The following VPS13B variants were observed in gnomAD, a reference collection of about 807,000 sequenced individuals.
VPS13B encodes intermembrane lipid transfer protein VPS13B.
A neutral mutation model predicts 426.4 loss-of-function variants in VPS13B; 285 were observed. The ratio of observed to expected loss-of-function variants is 0.67; its 90% confidence interval spans 0.61 to 0.74. The LOEUF (loss-of-function observed/expected upper bound fraction) is 0.74. Among genes scored for constraint, VPS13B ranks in the 30% least tolerant of loss-of-function variants. The pLI is 0.00. For missense variants in VPS13B, 4,537 were observed against 4,782.6 expected, an observed-to-expected ratio of 0.95 and a Z score of 1.51; for synonymous variants, 1,676 against 1,676.4, an observed-to-expected ratio of 1.00 and a Z score of 0.01.
chr8:99,446,439 T>C (rs1435264662), intron 23 of VPS13B, among the ~76,000 whole-genome samples: 1 of 152,132 alleles, frequency 6.6e-6, no homozygotes, highest in Non-Finnish European at 1.5e-5. Flanking sequence ...TGTTTTAAAG[T>C]TTTAATATTC....
chr8:99,311,492 C>A (rs1043803260), intron 19 of VPS13B, among the ~76,000 whole-genome samples: 1 of 152,184 alleles, frequency 6.6e-6, no homozygotes, highest in Admixed American at 6.5e-5. Flanking sequence ...GAGTGAGTTT[C>A]TTTATCCCGA....
chr8:99,581,215 A>G (rs573944244), intron 33 of VPS13B, among the ~76,000 whole-genome samples: 1 of 152,174 alleles, frequency 6.6e-6, no homozygotes, highest in Non-Finnish European at 1.5e-5. Flanking sequence ...TAGGGGGATT[A>G]TGTATTAGTG....
chr8:99,874,492 G>A (rs1439038074), intron 61 of VPS13B, among the ~76,000 whole-genome samples: 1 of 152,096 alleles, frequency 6.6e-6, no homozygotes, highest in African/African-American at 2.4e-5. Context: ...TGGACCACAC[G>A]CAGAACTAGA....
chr8:99,717,485 C>T, intron 37 of VPS13B, 112 bp downstream of exon 37: 1 of 969,408 alleles, frequency 1.0e-6, no homozygotes, highest in Non-Finnish European at 1.6e-6. Flanking sequence ...GGGTATTTGT[C>T]AGATTGCTAC....
chr8:99,294,486 C>T (rs557572815), intron 19 of VPS13B, among the ~76,000 whole-genome samples: 3 of 149,448 alleles, frequency 2.0e-5, no homozygotes, highest in Non-Finnish European at 4.4e-5. Flanking sequence ...CACATGTATA[C>T]ATATGTAACT....
chr8:99,811,905 T>C (rs986927015), intron 44 of VPS13B, among the ~76,000 whole-genome samples: 3 of 152,134 alleles, frequency 2.0e-5, no homozygotes, highest in Admixed American at 2.0e-4. Flanking sequence ...CTATATACCA[T>C]ATTTAAAATT....
Position 99,546,010 on chromosome 8 carries a change from T to C in VPS13B, c.4746-10440T>C, listed in dbSNP as rs562639478. On this transcript the variant is annotated intron_variant, in intron 30 of 61. Transcript: ENST00000357162. ...AAATTAAGTTATTCATATTTTAACA[T>C]CATACATTAAGAGATTTTATGGACT... 6.7e-3 allele frequency among the ~76,000 whole-genome samples: 1,019 copies of C among 152,198 alleles called. 5 individuals carry two copies. The highest frequency in any genetic ancestry group is 0.011 in the Non-Finnish European group (751 of 67,934).
chr8:99,556,515 TA>T lies in VPS13B; in HGVS notation c.4812del (p.Ile1604MetfsTer16), dbSNP rs1301560716. ...GAAATCGAAGACAGACAATACCAAA[TA>T]GATCTGCAGTCCATCAATATTGGTA... ...GSEIEDRQYQ[I>X]DLQSINIGTA... On this transcript the variant is annotated frameshift_variant, in exon 31 of 62. Coordinates refer to ENST00000357162, the MANE Select transcript of VPS13B (RefSeq NM_152564.5). LOFTEE classifies it high-confidence loss of function. 1 of 1,613,102 alleles carries T rather than the reference TA, an allele frequency of 6.2e-7. No individual in the cohort carries two copies. Among genetic ancestry groups the T allele is most frequent in the African/African-American group, 1.3e-5 (1 of 74,852 alleles).
rs1233886348 is a variant in VPS13B, at chr8:99,135,675, G to A, written c.1505G>A (p.Arg502Gln). ...TYLTNSLFDY[R>Q]SPENNGTRAE... Reference sequence around the variant, plus strand: ...CTTACAAATTCATTGTTTGATTACCGAAGCCCAGAAAATAATGGTACTCGC... The same window carrying A: ...CTTACAAATTCATTGTTTGATTACCAAAGCCCAGAAAATAATGGTACTCGC... Residue 502 changes from arginine (R) to glutamine (Q), a missense_variant, in exon 11 of 62, where the codon CGA becomes CAA. By Grantham distance (43) the Arg-to-Gln change is conservative. Transcript: ENST00000357162. The A allele has an allele frequency of 3.1e-6, 5 of 1,613,358 alleles. No homozygotes were observed. The highest frequency in any genetic ancestry group is 1.3e-5 in the African/African-American group (1 of 74,968).
At position 99,875,966 on chromosome 8, in the gene VPS13B, A is replaced by G. The variant is rs1817680746; in HGVS notation, c.*300A>G. 2.4e-6 allele frequency: 1 copy of G among 417,258 alleles called. No individual in the cohort carries two copies. Among genetic ancestry groups the G allele is most frequent in the African/African-American group, 2.0e-5 (1 of 49,816 alleles). The allele number at this position is 417,258 out of a possible 1,614,324, so 25.8% of individuals were successfully genotyped here. A position where few individuals can be genotyped will look rare whatever the true frequency, so the allele number is the denominator to read the frequency against. On this transcript the variant is annotated 3_prime_UTR_variant, in exon 62 of 62. Transcript: ENST00000357162. ...CTCTAAAAGATACTTCAAAGTGACA[A>G]AAACGTGTTCCTTCCCCACTTAGAG...
chr8:99,818,372 C>T, intron 45 of VPS13B, 79 bp from the exon 46 acceptor site: 1 of 1,351,460 alleles, frequency 7.4e-7, no homozygotes, highest in African/African-American at 1.4e-5. Context: ...ATCTTCCAAA[C>T]TGATGTATCT....
At chr8:99,134,217 CTTTT>C (rs1319851717) in intron 8 of VPS13B, among the ~76,000 whole-genome samples, 8 of 152,086 alleles carry the variant, frequency 5.3e-5, no homozygotes, top group Non-Finnish European at 7.4e-5. Flanking sequence ...TCACCACTTT[CTTTT>C]TTATTTCAAA....
At chr8:99,651,457 G>A (rs532396075) in intron 34 of VPS13B, among the ~76,000 whole-genome samples, 1 of 152,154 alleles carries the variant, frequency 6.6e-6, no homozygotes, top group South Asian at 2.1e-4. Flanking sequence ...CAAGTAGATA[G>A]TAAGTCTTTG....
At chr8:99,233,916 TGGTGACAA>T in intron 17 of VPS13B, 1 of 791,066 alleles carries the variant, frequency 1.3e-6, no homozygotes, top group Middle Eastern at 3.5e-4. Context: ...GTGGCATGGA[TGGTGACAA>T]GCTTCTCTGC....
rs1337263431 is a variant in VPS13B at position 99,556,652 on chromosome 8, A to G, written c.4948A>G (p.Ser1650Gly). 6.2e-7 allele frequency: 1 copy of G among 1,612,746 alleles called. No homozygotes were observed. Among genetic ancestry groups the G allele is most frequent in the Non-Finnish European group, 8.5e-7 (1 of 1,179,262 alleles). ...AGCCCTTGAGTGGAATATGGCCAGC[A>G]GGTAGGAAATGATTGAGAAACTTTC... The part of the protein sequence containing the change: ...NPALEWNMAS[S>G]IRRHQERRAI... Residue 1650 changes from serine to glycine, a missense_variant and splice_region_variant, in exon 31 of 62, where the codon AGC becomes GGC. Ser to Gly is a moderately conservative substitution (Grantham distance 56). Around this residue, in one of 2 missense-constraint regions of VPS13B, gnomAD observed 4,311 missense variants for 4,474.3 expected, o/e 0.96. Transcript: ENST00000357162.
chr8:99,525,911 A>G (rs113884210), intron 30 of VPS13B, among the ~76,000 whole-genome samples: 34 of 152,320 alleles, frequency 2.2e-4, no homozygotes, highest in Non-Finnish European at 4.4e-4. Flanking sequence ...TGGCTGGAGC[A>G]TTGGGTGCCA....
chr8:99,025,868 C>T (rs1218338399), intron 2 of VPS13B, among the ~76,000 whole-genome samples: 9 of 152,156 alleles, frequency 5.9e-5, no homozygotes, highest in South Asian at 2.1e-4. Context: ...TGGTCACTAA[C>T]GATCCTTTGT....
At chr8:99,312,689 G>A (rs903067476) in intron 19 of VPS13B, among the ~76,000 whole-genome samples, 5 of 152,134 alleles carry the variant, frequency 3.3e-5, no homozygotes, top group Non-Finnish European at 7.4e-5. Flanking sequence ...GGCGTTCTCT[G>A]TATTTCCTGA....
intron 17 of VPS13B, chr8:99,241,323 TAATA>T (rs1816924911): frequency 6.6e-6 from 1 of 152,208 alleles, no homozygotes; most frequent in South Asian, 2.1e-4. Context: ...ATCCTGTGTA[TAATA>T]ATGTTGTTAT....
Sources: gnomAD v4.1 joint callset for allele counts (sites outside exome capture counted in the v4.1 genomes callset) on GRCh38, gnomAD v4.1.1 for gene constraint, gnomAD v4.1.1 regional missense constraint, MANE v1.5 for transcripts, NCBI Gene and HGNC (gene_info 2026-07-23, HGNC 2026-07-21) for gene names.